The following PER1 variants were observed in gnomAD, a reference collection of about 807,000 sequenced individuals.
PER1 encodes period circadian regulator 1.
In PER1, 87 loss-of-function variants were observed where a neutral mutation model predicts 125.9. The observed-to-expected ratio is 0.69, with a 90% CI of 0.58 to 0.83. The LOEUF (loss-of-function observed/expected upper bound fraction) is 0.83. PER1 is among the 40% of genes least tolerant of loss of function. The pLI is 0.00. For synonymous variants in PER1, 801 were observed against 714.7 expected, an observed-to-expected ratio of 1.12 and a Z score of -1.93; for missense variants, 1,775 against 1,722.8, an observed-to-expected ratio of 1.03 and a Z score of -0.54.
Position 8,149,219 on chromosome 17 carries a change from A to C in PER1, c.905+40T>G, listed in dbSNP as rs748183991. 5.5e-5 allele frequency: 85 copies of C among 1,544,852 alleles called. No individual in the cohort carries two copies. In the East Asian group the frequency reaches 7.1e-4, roughly 13 times the overall value. ...GCAAAAACAAAAACAAAAACAAAAAAAAAAGGAGGCAGAGGTCTTCTCCAG... is the reference window on the plus strand; with the variant it reads ...GCAAAAACAAAAACAAAAACAAAAACAAAAGGAGGCAGAGGTCTTCTCCAG... On this transcript the variant is annotated intron_variant, in intron 7 of 22. Transcript: ENST00000317276.
chr17:8,143,883 G>C lies in PER1; in HGVS notation c.2462-7C>G. On this transcript the variant is annotated splice_polypyrimidine_tract_variant and splice_region_variant and intron_variant, in intron 18 of 22. Transcript: ENST00000317276. ...GCGGGGCCGTGGTGGCAGCCTGTGG[G>C]GAGAGACTAGGGTTAGCAAGGACCT... The C allele has an allele frequency of 6.2e-7, 1 of 1,603,206 alleles. No homozygotes were observed. Among genetic ancestry groups the C allele is most frequent in the Middle Eastern group, 1.7e-4 (1 of 5,946 alleles).
At chr17:8,148,886 G>C (rs1484560290) in intron 7 of PER1, 100 bp from the exon 8 acceptor site, 1 of 1,411,864 alleles carries the variant, frequency 7.1e-7, no homozygotes, top group Non-Finnish European at 9.7e-7. Context: ...GCTGGGGAGG[G>C]GGCAGGAGGA....
Position 8,150,713 on chromosome 17 carries a change from G to A in PER1, c.-7C>T. 6.5e-7 allele frequency: 1 copy of A among 1,537,070 alleles called. No homozygotes were observed. The highest frequency in any genetic ancestry group is 8.7e-7 in the Non-Finnish European group (1 of 1,150,130). ...CTTCTAGGGGGCCACTCATGTCTGG[G>A]CCATGGGGAGAACAGAACAGAGAAG... On this transcript the variant is annotated 5_prime_UTR_variant, in exon 2 of 23. Transcript: ENST00000317276.
At position 8,148,585 on chromosome 17, in the gene PER1, G is replaced by A. The variant is rs564272376; in HGVS notation, c.1048+59C>T. 62 of 1,535,158 alleles carry A rather than the reference G, an allele frequency of 4.0e-5. No homozygotes were observed. In the East Asian group the frequency reaches 1.0e-3, roughly 26 times the overall value. The stretch of plus-strand genomic sequence containing the variant: ...TTCATGCCTCCCAAATTCATGTCTG[G>A]CCATGAGGAAATGTCCTTCCTCCCA... On this transcript the variant is annotated intron_variant, in intron 8 of 22. Transcript: ENST00000317276.
At chr17:8,142,594 C>G (rs561577304) in intron 20 of PER1, 55 bp downstream of exon 20, 183 of 1,595,252 alleles carry the variant, frequency 1.1e-4, no homozygotes, top group Non-Finnish European at 1.5e-4. Flanking sequence ...GGCCTGGGCT[C>G]CCGGCTCCCC....
chr17:8,148,276 G>A lies in PER1; in HGVS notation c.1049-17C>T. 6.2e-7 allele frequency: 1 copy of A among 1,607,336 alleles called. No individual in the cohort carries two copies. The highest frequency in any genetic ancestry group is 1.7e-5 in the Admixed American group (1 of 59,948). On this transcript the variant is annotated splice_polypyrimidine_tract_variant and intron_variant, in intron 8 of 22. Transcript: ENST00000317276. ...TCCGGGGAGCTGAGGCACAGAGAGT[G>A]TGGTCACTGGGTTTCGTCCAGAATG...
rs760405296 is a variant in PER1, at chr17:8,146,355, G to A, written c.2038+17C>T. On this transcript the variant is annotated intron_variant, in intron 16 of 22. Transcript: ENST00000317276. ...GCCAGGACGGGGCAGTGGGAGCAGG[G>A]TGCATTGGATCTTTACCTTTCTTGG... is the stretch of plus-strand genomic sequence containing the variant. 5 of 1,588,180 alleles carry A rather than the reference G, an allele frequency of 3.1e-6. No homozygotes were observed. The highest frequency in any genetic ancestry group is 3.5e-5 in the Admixed American group (2 of 57,572).
Position 8,147,813 on chromosome 17 carries a change from C to T in PER1, c.1249G>A (p.Gly417Ser), listed in dbSNP as rs1982556625. The part of the protein sequence containing the change: ...AIHKKILQLA[G>S]QPFDHSPIRF... ...ATAGGGGAGTGGTCAAAGGGCTGGC[C>T]CGCCAACTGCAGAACTGATGGAAGT... is the stretch of plus-strand genomic sequence containing the variant. The change falls in exon 11 of 23, where the codon GGC becomes AGC. Residue 417 changes from glycine to serine, a missense_variant. Physicochemically the swap from Gly to Ser is moderately conservative, Grantham distance 56 (BLOSUM62 0). Coordinates refer to ENST00000317276, the MANE Select transcript of PER1 (RefSeq NM_002616.3). 1 of 1,613,724 alleles carries T rather than the reference C, an allele frequency of 6.2e-7. No homozygotes were observed. The highest frequency in any genetic ancestry group is 1.1e-5 in the South Asian group (1 of 91,084).
At position 8,141,357 on chromosome 17, in the gene PER1, G is replaced by A. The variant is rs367819307; in HGVS notation, c.3601-17C>T. On this transcript the variant is annotated splice_polypyrimidine_tract_variant and intron_variant, in intron 22 of 22. Transcript: ENST00000317276. ...CACACAGGCCTTGGTGAGAGAAATG[G>A]ACATGAGAGAGTCAGACAGGGTTCT... 1.3e-6 allele frequency: 2 copies of A among 1,584,584 alleles called. No homozygotes were observed. The highest frequency in any genetic ancestry group is 1.7e-6 in the Non-Finnish European group (2 of 1,163,338).
Position 8,143,264 on chromosome 17 carries a change from A to C in PER1, c.3072+2T>G. On this transcript the variant is annotated splice_donor_variant, in intron 19 of 22. Coordinates refer to ENST00000317276, the MANE Select transcript of PER1 (RefSeq NM_002616.3). LOFTEE classifies it high-confidence loss of function. The stretch of plus-strand genomic sequence containing the variant: ...CAGGCAGACGCAGGGGTCAGTGCTC[A>C]CCAGTCTGGCCTCTGGCTCAGCAGC... 6.5e-7 allele frequency: 1 copy of C among 1,529,396 alleles called. No homozygotes were observed. The highest frequency in any genetic ancestry group is 8.8e-7 in the Non-Finnish European group (1 of 1,137,876). The allele number at this position is 1,529,396 out of a possible 1,614,324, so 94.7% of individuals were successfully genotyped here.
chr17:8,141,329 G>T lies in PER1; in HGVS notation c.3612C>A (p.Asp1204Glu). The T allele has an allele frequency of 6.2e-7, 1 of 1,608,780 alleles. No homozygotes were observed. The change falls in exon 23 of 23, where the codon GAC becomes GAA. Residue 1204 changes from aspartate (D) to glutamate (E), a missense_variant. Transcript: ENST00000317276. ...CAGGATCTTGGGTGCTGCTCCCACA[G>T]TCCACACAGGCCTTGGTGAGAGAAA... ...PRALDVMACV[D>E]CGSSTQDPGH...
rs1982156628 is a variant in PER1 at position 8,142,681 on chromosome 17, T to C, written c.3227A>G (p.His1076Arg). Reference sequence around the variant, plus strand: ...GCTGGCTGAGGTGCTGCCCCCTTCATGGGAGCCTGAACCAGACCCAGAGCC... The same window carrying C: ...GCTGGCTGAGGTGCTGCCCCCTTCACGGGAGCCTGAACCAGACCCAGAGCC... The part of the protein sequence containing the change: ...GLGSGSGSGS[H>R]EGGSTSASIT... Residue 1076 changes from histidine (H) to arginine (R), a missense_variant, in exon 20 of 23, where the codon CAT becomes CGT. By Grantham distance (29) the His-to-Arg change is conservative (BLOSUM62 0). Transcript: ENST00000317276. 16 of 1,613,810 alleles carry C rather than the reference T, an allele frequency of 9.9e-6. No homozygotes were observed. The highest frequency in any genetic ancestry group is 1.3e-5 in the African/African-American group (1 of 74,904).
In PER1 at chr17:8,150,021, C is replaced by T. The variant is rs377347212; in HGVS notation, c.479G>A (p.Gly160Glu). The T allele has an allele frequency of 8.6e-5, 139 of 1,614,074 alleles. No individual in the cohort carries two copies. In the African/African-American group the frequency reaches 1.4e-3, roughly 17 times the overall value. Residue 160 changes from glycine (G) to glutamate (E), a missense_variant, in exon 4 of 23, where the codon GGG becomes GAG. Physicochemically the swap from Gly to Glu is moderately conservative, Grantham distance 98. Transcript: ENST00000317276. ...TGCGTACTGCAGCGTGGCCAGGGTC[C>T]CAGAGCGGCCCTTGCCCCGGCGCTC... ...PPERRGKGRS[G>E]TLATLQYALA...
chr17:8,147,045 G>A (rs368651432), intron 13 of PER1, 43 bp from the exon 14 acceptor site: 97 of 1,536,802 alleles, frequency 6.3e-5, no homozygotes, highest in East Asian at 5.9e-4. Flanking sequence ...AGGGGGTGTC[G>A]CCAGTGTCAG....
At chr17:8,146,293 G>A (rs1228802056) in intron 16 of PER1, 79 bp downstream of exon 16, 3 of 1,538,514 alleles carry the variant, frequency 1.9e-6, no homozygotes, top group Admixed American at 3.9e-5. Context: ...GAGCAAGAGG[G>A]CCCAGAAGCA....
intron 18 of PER1, 163 bp from the exon 19 acceptor site, chr17:8,144,039 G>A (rs1387923019): frequency 3.6e-6 from 4 of 1,114,970 alleles, no homozygotes; most frequent in Admixed American, 3.2e-5. Flanking sequence ...GGCACCTTCA[G>A]GGAAGAATCA....
intron 17 of PER1, 46 bp downstream of exon 17, chr17:8,145,912 G>A (rs754547966): frequency 1.3e-6 from 2 of 1,541,082 alleles, no homozygotes; most frequent in East Asian, 2.3e-5. Context: ...CTCTAGCTGG[G>A]AGACCGGTGG....
At position 8,141,338 on chromosome 17, in the gene PER1, G is replaced by A. The variant is rs1982067426; in HGVS notation, c.3603C>T (p.Ala1201=). 6.2e-7 allele frequency: 1 copy of A among 1,600,488 alleles called. No individual in the cohort carries two copies. Among genetic ancestry groups the A allele is most frequent in the African/African-American group, 1.3e-5 (1 of 74,630 alleles). The change falls in exon 23 of 23, where the codon GCC becomes GCT. Residue 1201 remains alanine (A), a splice_region_variant and synonymous_variant. Transcript: ENST00000317276. Reference sequence around the variant, plus strand: ...GGGTGCTGCTCCCACAGTCCACACAGGCCTTGGTGAGAGAAATGGACATGA... The same window carrying A: ...GGGTGCTGCTCCCACAGTCCACACAAGCCTTGGTGAGAGAAATGGACATGA... The part of the protein sequence containing the change: ...GQLPRALDVM[A]CVDCGSSTQD...
rs535976988 is a variant in PER1 at position 8,148,911 on chromosome 17, G to T, written c.906-125C>A. ...GGGCAGGAGGAGGCAGAGGTAGGCC[G>T]GGCACGGTGGCTCACGCCTTTAATC... On this transcript the variant is annotated intron_variant, in intron 7 of 22. Coordinates refer to ENST00000317276, the MANE Select transcript of PER1 (RefSeq NM_002616.3). The T allele has an allele frequency of 3.5e-6, 4 of 1,134,484 alleles. No homozygotes were observed. In the Admixed American group the frequency reaches 1.0e-4, roughly 29 times the overall value. The allele number at this position is 1,134,484 out of a possible 1,614,324, so 70.3% of individuals were successfully genotyped here.
Sources: gnomAD v4.1 joint callset for allele counts on GRCh38, gnomAD v4.1.1 for gene constraint, MANE v1.5 for transcripts, NCBI Gene and HGNC (gene_info 2026-07-23, HGNC 2026-07-21) for gene names.